Variants in IFNG-AS1 observed in about 807,000 individuals in gnomAD.
The protein encoded by IFNG-AS1 is IFNG antisense RNA 1 (non-protein coding).
chr12:67,990,838 C>T (rs997019974), intron 1 of IFNG-AS1, among the ~76,000 whole-genome samples: 4 of 151,996 alleles, frequency 2.6e-5, no homozygotes, highest in East Asian at 1.9e-4. Context: ...GTGATCCGCC[C>T]GCCTCGGCCT....
At chr12:68,018,236 T>C (rs984704113) in intron 3 of IFNG-AS1, among the ~76,000 whole-genome samples, 3 of 152,118 alleles carry the variant, frequency 2.0e-5, no homozygotes, top group African/African-American at 7.2e-5. Context: ...TGAACAAGAC[T>C]TAGAACTTTT....
intron 3 of IFNG-AS1, among the ~76,000 whole-genome samples, chr12:68,019,220 G>A (rs533438231): frequency 3.5e-4 from 54 of 152,116 alleles, no homozygotes; most frequent in African/African-American, 9.4e-4. Flanking sequence ...CTTTAGTTCC[G>A]TGCTCATTAA....
In IFNG-AS1 at chr12:68,017,044, C is replaced by T. The variant is rs192904736; in HGVS notation, n.242-2818C>T. On this transcript the variant is annotated intron_variant and non_coding_transcript_variant, in intron 3 of 5. Coordinates refer to ENST00000536914, the Ensembl canonical transcript of IFNG-AS1. ...AGAAAAGAACAGAGTGCCCTACAAG[C>T]GAATGACAGAAGGGACCTTTTGTCA... Among the ~76,000 whole-genome samples, 42 of 152,182 alleles carry T rather than the reference C, an allele frequency of 2.8e-4. No individual in the cohort carries two copies. In the East Asian group the frequency reaches 6.2e-3, roughly 22 times the overall value.
intron 3 of IFNG-AS1, among the ~76,000 whole-genome samples, chr12:68,017,825 T>C (rs2120482959): frequency 6.6e-6 from 1 of 152,282 alleles, no homozygotes; most frequent in Non-Finnish European, 1.5e-5. Flanking sequence ...AACCTAGTCA[T>C]GAACTGGCCA....
chr12:68,015,609 CA>C (rs1880134124), intron 3 of IFNG-AS1, among the ~76,000 whole-genome samples: 1 of 152,160 alleles, frequency 6.6e-6, no homozygotes. Context: ...CCCACTACCT[CA>C]CATATTGACT....
intron 1 of IFNG-AS1, among the ~76,000 whole-genome samples, chr12:67,992,162 T>A (rs1460203093): frequency 6.6e-6 from 1 of 152,226 alleles, no homozygotes; most frequent in Non-Finnish European, 1.5e-5. Context: ...CTACAAATAA[T>A]ATTGAGTATT....
intron 1 of IFNG-AS1, among the ~76,000 whole-genome samples, chr12:67,995,160 A>G (rs1282979201): frequency 6.6e-6 from 1 of 152,026 alleles, no homozygotes; most frequent in African/African-American, 2.4e-5. Context: ...GTGGTGGCTC[A>G]CGTCTGTAAT....
At chr12:68,013,308 G>C (rs1014245792) in intron 3 of IFNG-AS1, among the ~76,000 whole-genome samples, 3 of 152,216 alleles carry the variant, frequency 2.0e-5, no homozygotes, top group Non-Finnish European at 4.4e-5. Flanking sequence ...GGGGCTGCAA[G>C]GTGAAGGACC....
At chr12:67,995,216 A>G (rs538645684) in intron 1 of IFNG-AS1, among the ~76,000 whole-genome samples, 1 of 151,958 alleles carries the variant, frequency 6.6e-6, no homozygotes, top group African/African-American at 2.4e-5. Context: ...AGGTCAAGAG[A>G]TCGAGACCAT....
At chr12:67,991,674 T>C (rs1879516331) in intron 1 of IFNG-AS1, among the ~76,000 whole-genome samples, 1 of 152,240 alleles carries the variant, frequency 6.6e-6, no homozygotes, top group South Asian at 2.1e-4. Context: ...CAAGGCTCTT[T>C]GGCTTCTCCG....
At chr12:67,991,885 A>T (rs558399434) in intron 1 of IFNG-AS1, among the ~76,000 whole-genome samples, 7 of 152,258 alleles carry the variant, frequency 4.6e-5, no homozygotes, top group African/African-American at 1.4e-4. Flanking sequence ...AGAGAAAATT[A>T]TCTAGAATGA....
At chr12:67,994,399 G>C (rs1442003049) in intron 1 of IFNG-AS1, among the ~76,000 whole-genome samples, 2 of 152,196 alleles carry the variant, frequency 1.3e-5, no homozygotes, top group East Asian at 3.8e-4. Flanking sequence ...ACAGTAGGTG[G>C]ATGATGTTGT....
intron 3 of IFNG-AS1, among the ~76,000 whole-genome samples, chr12:68,015,354 G>A (rs1880126324): frequency 6.6e-6 from 1 of 152,174 alleles, no homozygotes; most frequent in African/African-American, 2.4e-5. Context: ...AAAGGGTAGA[G>A]TCCACGTAAG....
intron 3 of IFNG-AS1, among the ~76,000 whole-genome samples, chr12:68,011,870 G>C (rs1880037915): frequency 6.6e-6 from 1 of 152,164 alleles, no homozygotes; most frequent in South Asian, 2.1e-4. Context: ...AAAGATTAGA[G>C]AGAATAGAGA....
intron 3 of IFNG-AS1, among the ~76,000 whole-genome samples, chr12:68,011,936 C>T (rs1406213073): frequency 1.3e-5 from 2 of 152,182 alleles, no homozygotes; most frequent in Admixed American, 6.5e-5. Context: ...TTGGGTTTTG[C>T]AAGCCTCCTT....
chr12:67,991,229 A>T (rs568279095), intron 1 of IFNG-AS1, among the ~76,000 whole-genome samples: 2 of 152,218 alleles, frequency 1.3e-5, no homozygotes. Flanking sequence ...TCCTAGCTTT[A>T]AAGTGTATTG....
intron 2 of IFNG-AS1, among the ~76,000 whole-genome samples, chr12:67,999,621 T>G (rs1879721585): frequency 6.6e-6 from 1 of 152,188 alleles, no homozygotes; most frequent in Admixed American, 6.5e-5. Flanking sequence ...CATGACTGCA[T>G]ACTGATATAC....
At chr12:68,019,301 T>A (rs1453334262) in intron 3 of IFNG-AS1, among the ~76,000 whole-genome samples, 1 of 152,186 alleles carries the variant, frequency 6.6e-6, no homozygotes, top group Non-Finnish European at 1.5e-5. Flanking sequence ...GGCTCTGTTC[T>A]AAGTGCCTCG....
chr12:67,994,331 G>A (rs972849015), intron 1 of IFNG-AS1, among the ~76,000 whole-genome samples: 2 of 152,180 alleles, frequency 1.3e-5, no homozygotes, highest in African/African-American at 4.8e-5. Flanking sequence ...AGAATGCCCA[G>A]TTTCATTCAT....
Sources: allele counts gnomAD v4.1 joint callset (sites outside exome capture counted in the v4.1 genomes callset), GRCh38; gene constraint gnomAD v4.1.1; transcripts MANE v1.5; gene names NCBI Gene and HGNC (gene_info 2026-07-23, HGNC 2026-07-21).